The following SMYD4 variants were observed in gnomAD, a reference collection of about 807,000 sequenced individuals.
SMYD4 encodes SET and MYND domain containing 4, also known as protein-lysine N-methyltransferase SMYD4.
A neutral mutation model predicts 72.8 loss-of-function variants in SMYD4; 68 were observed. That is an observed-to-expected ratio of 0.93 (90% CI 0.77 to 1.14). The LOEUF (loss-of-function observed/expected upper bound fraction) is 1.14, where lower values mean the gene tolerates loss of function less well. Among genes scored for constraint, SMYD4 ranks in the 50% most tolerant of loss-of-function variants. The pLI is 0.00. For missense variants in SMYD4, 984 were observed against 1,003.7 expected (o/e 0.98, Z 0.27); for synonymous variants, 407 against 388.6 (o/e 1.05, Z -0.56).
At chr17:1,803,886 G>GTTT (rs34556870) in intron 4 of SMYD4, among the ~76,000 whole-genome samples, 12 of 143,950 alleles carry the variant, frequency 8.3e-5, no homozygotes, top group Non-Finnish European at 1.1e-4. Flanking sequence ...AGTTCAGTTA[G>GTTT]TTTTTTTTTT....
chr17:1,814,458 T>G (rs1187684250), intron 2 of SMYD4: 1 of 152,194 alleles, frequency 6.6e-6, no homozygotes, highest in Non-Finnish European at 1.5e-5. Flanking sequence ...TTATAAAACA[T>G]TATCTTTGCT....
At chr17:1,828,686 C>G (rs567188257) in intron 1 of SMYD4, among the ~76,000 whole-genome samples, 8 of 151,764 alleles carry the variant, frequency 5.3e-5, no homozygotes, top group African/African-American at 1.9e-4. Flanking sequence ...CACCCTCCGC[C>G]TCCCAGGTTC....
chr17:1,792,008 T>A (rs975847445), intron 5 of SMYD4, among the ~76,000 whole-genome samples: 1 of 152,048 alleles, frequency 6.6e-6, no homozygotes, highest in African/African-American at 2.4e-5. Context: ...CAGGCAGATA[T>A]AACATGTTAT....
intron 5 of SMYD4, among the ~76,000 whole-genome samples, chr17:1,794,019 A>ATATG (rs1313572825): frequency 0.017 from 1,129 of 68,272 alleles, 59 homozygotes; most frequent in African/African-American, 0.055. Flanking sequence ...ATATATATAT[A>ATATG]TGTGTGTATA....
chr17:1,828,862 G>T (rs533257318), intron 1 of SMYD4, among the ~76,000 whole-genome samples: 195 of 152,186 alleles, frequency 1.3e-3, no homozygotes, highest in Non-Finnish European at 2.1e-3. Flanking sequence ...CTCCCAAAGC[G>T]CTGGGATTAC....
intron 5 of SMYD4, among the ~76,000 whole-genome samples, chr17:1,796,153 GAC>G (rs1478896097): frequency 6.6e-6 from 1 of 151,804 alleles, no homozygotes; most frequent in African/African-American, 2.4e-5. Flanking sequence ...TTCTTTTTGA[GAC>G]AGGGTCTCTC....
intron 2 of SMYD4, among the ~76,000 whole-genome samples, chr17:1,819,609 T>C (rs9895036): frequency 0.73 from 111,119 of 151,986 alleles, 41,552 homozygotes; most frequent in Non-Finnish European, 0.8. Context: ...TTTGCGCATC[T>C]ACTGATAATT....
At chr17:1,784,652 A>G (rs568778472) in intron 7 of SMYD4, 191 bp from the exon 8 acceptor site, 16 of 817,972 alleles carry the variant, frequency 2.0e-5, no homozygotes, top group Admixed American at 1.9e-4. Flanking sequence ...AATGAAGTGT[A>G]TCAGCAGTAG....
chr17:1,820,229 TG>T (rs1372851924), intron 2 of SMYD4, among the ~76,000 whole-genome samples: 8 of 152,052 alleles, frequency 5.3e-5, no homozygotes, highest in Admixed American at 1.3e-4. Flanking sequence ...CTCTTCAGAC[TG>T]GTTCCTATGT....
At chr17:1,825,406 C>T (rs9909860) in intron 2 of SMYD4, among the ~76,000 whole-genome samples, 8,712 of 151,502 alleles carry the variant, frequency 0.058, 850 homozygotes, top group African/African-American at 0.2. Flanking sequence ...AAAATGTTAG[C>T]AGAAAACAAT....
chr17:1,821,938 A>C (rs1461423103), intron 2 of SMYD4, among the ~76,000 whole-genome samples: 1 of 142,438 alleles, frequency 7.0e-6, no homozygotes, highest in East Asian at 2.1e-4. Context: ...CTCAAAAAAA[A>C]AAAAGGTCTG....
chr17:1,792,078 G>T (rs1050453274), intron 5 of SMYD4, among the ~76,000 whole-genome samples: 1 of 149,648 alleles, frequency 6.7e-6, no homozygotes, highest in Non-Finnish European at 1.5e-5. Context: ...TCGCTCTGTC[G>T]CCCAGGCTGG....
Position 1,799,974 on chromosome 17 carries a change from T to C in SMYD4, c.1420A>G (p.Lys474Glu). 1 of 1,614,184 alleles carries C rather than the reference T, an allele frequency of 6.2e-7. No individual in the cohort carries two copies. The highest frequency in any genetic ancestry group is 8.5e-7 in the Non-Finnish European group (1 of 1,180,022). Residue 474 changes from lysine to glutamate, a missense_variant, in exon 5 of 11, where the codon AAA becomes GAA. Coordinates refer to ENST00000305513, the MANE Select transcript of SMYD4 (RefSeq NM_052928.3). ...TERIVNSSQL[K>E]AAVTPELCPD... ...CACAATTCAGGTGTCACTGCTGCTTTAAGCTGAGAGGAGTTCACAATCCTC... is the reference window on the plus strand; with the variant it reads ...CACAATTCAGGTGTCACTGCTGCTTCAAGCTGAGAGGAGTTCACAATCCTC...
chr17:1,801,591 A>G lies in SMYD4; in HGVS notation c.370-567T>C, dbSNP rs1369504194. Among the ~76,000 whole-genome samples, 7 of 150,582 alleles carry G rather than the reference A, an allele frequency of 4.6e-5. No individual in the cohort carries two copies. In the East Asian group the frequency reaches 1.4e-3, roughly 29 times the overall value. On this transcript the variant is annotated intron_variant, in intron 4 of 10. Coordinates refer to ENST00000305513, the MANE Select transcript of SMYD4 (RefSeq NM_052928.3). The stretch of plus-strand genomic sequence containing the variant: ...AGGAAAAAGAAGTCTTATGAATAGA[A>G]GAATTATAGCATGGTGACTAACAGG...
At chr17:1,803,495 C>T (rs979244528) in intron 4 of SMYD4, among the ~76,000 whole-genome samples, 2 of 152,126 alleles carry the variant, frequency 1.3e-5, no homozygotes, top group African/African-American at 4.8e-5. Context: ...CCATAGCTCG[C>T]TCTTTCCTTT....
intron 5 of SMYD4, among the ~76,000 whole-genome samples, chr17:1,793,993 GTGTATATATATA>G (rs1221942467): frequency 5.3e-5 from 5 of 93,658 alleles, no homozygotes; most frequent in African/African-American, 2.3e-4. Flanking sequence ...GCTAATTTTT[GTGTATATATATA>G]TGTATATATA....
intron 6 of SMYD4, 128 bp downstream of exon 6, chr17:1,787,294 T>G (rs549970007): frequency 2.4e-5 from 30 of 1,255,974 alleles, no homozygotes; most frequent in Middle Eastern, 2.7e-4. Context: ...TTGGCCTAAG[T>G]GTTCACTGCC....
intron 5 of SMYD4, among the ~76,000 whole-genome samples, chr17:1,796,992 G>GT (rs1354836206): frequency 6.6e-6 from 1 of 152,202 alleles, no homozygotes; most frequent in Admixed American, 6.6e-5. Context: ...TGATTTAGTA[G>GT]TATCATGGGA....
chr17:1,794,105 ATTT>A (rs59420310), intron 5 of SMYD4, among the ~76,000 whole-genome samples: 148 of 12,936 alleles, frequency 0.011, 2 homozygotes, highest in African/African-American at 0.041. Flanking sequence ...ATATATATAT[ATTT>A]TTTTTTTTTT....
Sources: allele counts gnomAD v4.1 joint callset (sites outside exome capture counted in the v4.1 genomes callset), GRCh38; gene constraint gnomAD v4.1.1; transcripts MANE v1.5; gene names NCBI Gene and HGNC (gene_info 2026-07-23, HGNC 2026-07-21).